The following BFSP2 variants were observed in gnomAD, a reference collection of about 807,000 sequenced individuals.
The protein encoded by BFSP2 is phakinin.
Under a neutral mutation model 44.9 loss-of-function variants are expected in BFSP2, and 38 were observed. The ratio of observed to expected loss-of-function variants is 0.85; its 90% CI spans 0.65 to 1.11. The LOEUF is 1.11. BFSP2 is among the 50% of genes least tolerant of loss of function. The pLI, the probability that BFSP2 is intolerant of heterozygous loss-of-function variation, is 0.00. For synonymous variants in BFSP2, 197 were observed against 209.9 expected (o/e 0.94, Z 0.53); for missense variants, 525 against 533.0 (o/e 0.99, Z 0.15).
At chr3:133,415,891 G>C (rs566509076) in intron 1 of BFSP2, among the ~76,000 whole-genome samples, 13 of 58,510 alleles carry the variant, frequency 2.2e-4, no homozygotes, top group Admixed American at 1.4e-3. Flanking sequence ...CTCTACTCAC[G>C]CTTGCCCTCT....
chr3:133,441,732 A>T (rs1242078141), intron 1 of BFSP2, among the ~76,000 whole-genome samples: 1 of 152,234 alleles, frequency 6.6e-6, no homozygotes, highest in East Asian at 1.9e-4. Context: ...ACAGAAAGGC[A>T]GTGCCTGACT....
intron 1 of BFSP2, among the ~76,000 whole-genome samples, chr3:133,420,812 G>A (rs948815265): frequency 2.0e-5 from 3 of 152,178 alleles, no homozygotes; most frequent in African/African-American, 7.2e-5. Flanking sequence ...TGCCTCTCAC[G>A]TGCTGAGCAG....
chr3:133,411,679 C>T (rs1474847011), intron 1 of BFSP2, among the ~76,000 whole-genome samples: 1 of 151,012 alleles, frequency 6.6e-6, no homozygotes, highest in Non-Finnish European at 1.5e-5. Context: ...CACTTGAAGC[C>T]AATAGAGGGA....
At chr3:133,419,212 G>T (rs1230190609) in intron 1 of BFSP2, among the ~76,000 whole-genome samples, 2 of 152,062 alleles carry the variant, frequency 1.3e-5, no homozygotes, top group Non-Finnish European at 2.9e-5. Flanking sequence ...CATTTTAACC[G>T]AATTACCTCT....
chr3:133,418,349 G>A (rs1274638765), intron 1 of BFSP2, among the ~76,000 whole-genome samples: 1 of 152,122 alleles, frequency 6.6e-6, no homozygotes, highest in Non-Finnish European at 1.5e-5. Context: ...ACCCACCAGG[G>A]AAACACGGGC....
intron 1 of BFSP2, among the ~76,000 whole-genome samples, chr3:133,436,069 A>T (rs2107910496): frequency 6.6e-6 from 1 of 152,244 alleles, no homozygotes; most frequent in East Asian, 1.9e-4. Flanking sequence ...GGTGCAAAAA[A>T]ATTTGAAATT....
chr3:133,451,232 A>T (rs1238294745), intron 4 of BFSP2, among the ~76,000 whole-genome samples: 1 of 152,192 alleles, frequency 6.6e-6, no homozygotes, highest in Admixed American at 6.5e-5. Flanking sequence ...AATCTAAGCC[A>T]CAACCTACCT....
intron 1 of BFSP2, among the ~76,000 whole-genome samples, chr3:133,417,277 TG>T (rs1269332832): frequency 1.4e-5 from 2 of 138,376 alleles, no homozygotes; most frequent in African/African-American, 2.7e-5. Context: ...TACTCACCCT[TG>T]CCCTCTCCCT....
At chr3:133,410,328 C>G in intron 1 of BFSP2, 1 of 362,204 alleles carries the variant, frequency 2.8e-6, no homozygotes, top group Admixed American at 3.3e-5. Context: ...GCAGCAGTGG[C>G]ACTAACAGTC....
At chr3:133,426,024 G>A (rs12490880) in intron 1 of BFSP2, among the ~76,000 whole-genome samples, 929 of 29,310 alleles carry the variant, frequency 0.032, 290 homozygotes, top group East Asian at 0.072. Context: ...GAAGGGAAGG[G>A]AAGGGAAGGG....
intron 4 of BFSP2, among the ~76,000 whole-genome samples, chr3:133,459,467 C>A (rs1034576191): frequency 2.0e-5 from 3 of 152,186 alleles, no homozygotes; most frequent in Admixed American, 6.5e-5. Flanking sequence ...GTCACAAAGC[C>A]ATTTACTCCT....
intron 1 of BFSP2, chr3:133,429,292 G>C (rs1474690155): frequency 2.0e-5 from 3 of 152,244 alleles, no homozygotes; most frequent in African/African-American, 7.2e-5. Context: ...AATGTGTACA[G>C]AGAGAGATTT....
Position 133,466,677 on chromosome 3 carries a change from CAAA to C in BFSP2, c.892-133_892-131del, listed in dbSNP as rs59331608. On this transcript the variant is annotated intron_variant, in intron 4 of 6. Coordinates refer to ENST00000302334, the MANE Select transcript of BFSP2 (RefSeq NM_003571.4). Reference sequence around the variant, plus strand: ...GCTACAGAGCGAGACTTCATCTCAACAAAAAAAAAAAAAAAAAAAAGATGTTTC... The same window carrying C: ...GCTACAGAGCGAGACTTCATCTCAACAAAAAAAAAAAAAAAAAGATGTTTC... 428 of 258,700 alleles carry C rather than the reference CAAA, an allele frequency of 1.7e-3. 1 individual carries two copies. Among genetic ancestry groups the C allele is most frequent in the East Asian group, 5.2e-3 (48 of 9,176 alleles). The allele number at this position is 258,700 out of a possible 1,614,324, so 16.0% of individuals were successfully genotyped here.
chr3:133,430,742 C>A (rs1303689925), intron 1 of BFSP2, among the ~76,000 whole-genome samples: 1 of 152,126 alleles, frequency 6.6e-6, no homozygotes, highest in Non-Finnish European at 1.5e-5. Flanking sequence ...TCCCCTCAGT[C>A]CCAACCCCAA....
At chr3:133,419,552 G>C (rs971568565) in intron 1 of BFSP2, among the ~76,000 whole-genome samples, 3 of 152,222 alleles carry the variant, frequency 2.0e-5, no homozygotes, top group Non-Finnish European at 4.4e-5. Flanking sequence ...CACTCTGTGA[G>C]TTCAGACTTT....
intron 1 of BFSP2, chr3:133,429,832 G>A (rs1224276212): frequency 6.6e-6 from 1 of 151,572 alleles, no homozygotes; most frequent in Non-Finnish European, 1.5e-5. Flanking sequence ...GTATACATGT[G>A]CCATGTTGGT....
At chr3:133,473,490 T>G (rs866953528) in intron 6 of BFSP2, among the ~76,000 whole-genome samples, 3 of 149,280 alleles carry the variant, frequency 2.0e-5, no homozygotes, top group Non-Finnish European at 4.5e-5. Context: ...TGATCATTCT[T>G]GGGTGTTTCT....
intron 1 of BFSP2, among the ~76,000 whole-genome samples, chr3:133,432,289 C>T (rs561373151): frequency 6.6e-5 from 10 of 152,328 alleles, no homozygotes; most frequent in Admixed American, 4.6e-4. Flanking sequence ...TTTGCCTATC[C>T]GCCCTGTGGT....
intron 5 of BFSP2, among the ~76,000 whole-genome samples, chr3:133,469,379 C>T (rs1025683415): frequency 2.0e-5 from 3 of 152,264 alleles, no homozygotes; most frequent in Non-Finnish European, 4.4e-5. Flanking sequence ...AAGCTTCAGA[C>T]AGCCAAGCTG....
Sources: gnomAD v4.1 joint callset for allele counts (sites outside exome capture counted in the v4.1 genomes callset) on GRCh38, gnomAD v4.1.1 for gene constraint, MANE v1.5 for transcripts, NCBI Gene and HGNC (gene_info 2026-07-23, HGNC 2026-07-21) for gene names.